Variants in ZNF701 observed in about 807,000 individuals in gnomAD.
The protein encoded by ZNF701 is zinc finger protein 701.
Under a neutral mutation model 7.1 loss-of-function variants are expected in ZNF701, and 6 were observed. The observed-to-expected ratio is 0.84, with a 90% CI of 0.46 to 1.66. The LOEUF is 1.66. Ranked by LOEUF, ZNF701 falls within the 40% of genes most tolerant of loss-of-function variation. The pLI, the probability that ZNF701 is intolerant of heterozygous loss-of-function variation, is 0.01. For missense variants in ZNF701, 541 were observed against 559.2 expected (o/e 0.97, Z 0.33); for synonymous variants, 166 against 188.2 (o/e 0.88, Z 0.97).
the ZNF701 span, among the ~76,000 whole-genome samples, chr19:52,593,354 G>A: frequency 8.6e-6 from 1 of 116,452 alleles, no homozygotes; most frequent in African/African-American, 3.3e-5. Context: ...CAGTAGGCGC[G>A]GCCGGGCAGA....
chr19:52,593,854 G>C, the ZNF701 span, among the ~76,000 whole-genome samples: 2 of 113,534 alleles, frequency 1.8e-5, 1 homozygote, highest in Non-Finnish European at 3.8e-5. Flanking sequence ...AGGCAGAGGG[G>C]CTCCTCACAT....
At chr19:52,592,772 T>TAGAGATGGG in the ZNF701 span, among the ~76,000 whole-genome samples, 5 of 127,776 alleles carry the variant, frequency 3.9e-5, no homozygotes, top group South Asian at 2.5e-4. Flanking sequence ...GTATTTTTTT[T>TAGAGATGGG]ATTTTTATTT....
At chr19:52,573,661 G>A (rs570409721) in intron 1 of ZNF701, among the ~76,000 whole-genome samples, 4 of 151,938 alleles carry the variant, frequency 2.6e-5, no homozygotes, top group South Asian at 2.1e-4. Context: ...ACACACAGAC[G>A]TGCACCACCA....
At chr19:52,592,513 T>G in the ZNF701 span, among the ~76,000 whole-genome samples, 66,310 of 151,868 alleles carry the variant, frequency 0.44, 14,469 homozygotes, top group Middle Eastern at 0.47. Context: ...TGAGCGGAAT[T>G]GTCACCATGG....
chr19:52,570,366 C>A, intron 1 of ZNF701, 36 bp downstream of exon 1: 1 of 152,828 alleles, frequency 6.5e-6, no homozygotes, highest in South Asian at 1.9e-4. Context: ...AGTCTGCACT[C>A]CCCATATCCC....
Position 52,577,040 on chromosome 19 carries a change from T to C in ZNF701, c.142+1019T>C, listed in dbSNP as rs115173841. Among the ~76,000 whole-genome samples the C allele has an allele frequency of 6.2e-3, 941 of 152,300 alleles. 7 individuals are homozygous for C. Among genetic ancestry groups the C allele is most frequent in the Middle Eastern group, 0.017 (5 of 294 alleles). The stretch of plus-strand genomic sequence containing the variant: ...TTCTGTTGGAAAAGGAAAGTTTCAA[T>C]CCTGAGATCTCTGAAATGACATCTT... On this transcript the variant is annotated intron_variant, in intron 3 of 3. Transcript: ENST00000391785.
At position 52,584,834 on chromosome 19, in the gene ZNF701, A is replaced by G. The variant is rs1473450298; in HGVS notation, c.*1377A>G. 2 of 152,164 alleles carry G rather than the reference A, an allele frequency of 1.3e-5. No individual in the cohort carries two copies. The highest frequency in any genetic ancestry group is 2.9e-5 in the Non-Finnish European group (2 of 68,060). 9.4% of individuals were successfully genotyped at this position (152,164 alleles called of 1,614,324 possible). A position where few individuals can be genotyped will look rare whatever the true frequency, so the allele number is the denominator to read the frequency against. ...ATTTTGGTTGACTCAGGCCCCGCCCACCTCTTCGCCTCCCGTCTGGCCTGA... is the reference window on the plus strand; with the variant it reads ...ATTTTGGTTGACTCAGGCCCCGCCCGCCTCTTCGCCTCCCGTCTGGCCTGA... On this transcript the variant is annotated 3_prime_UTR_variant, in exon 4 of 4. Coordinates refer to ENST00000391785, the MANE Select transcript of ZNF701 (RefSeq NM_018260.3).
downstream of ZNF701, among the ~76,000 whole-genome samples, chr19:52,587,964 C>A (rs1408046262): frequency 6.6e-6 from 1 of 152,108 alleles, no homozygotes; most frequent in African/African-American, 2.4e-5. Context: ...TGGTTAGGGC[C>A]AGATCTGTGT....
chr19:52,588,584 G>T, downstream of ZNF701: 2 of 398,740 alleles, frequency 5.0e-6, no homozygotes. Flanking sequence ...GAAGGGCAAA[G>T]AAAAGGAGCC....
chr19:52,587,969 C>A (rs1476692100), downstream of ZNF701, among the ~76,000 whole-genome samples: 1 of 152,160 alleles, frequency 6.6e-6, no homozygotes, highest in Non-Finnish European at 1.5e-5. Context: ...AGGGCCAGAT[C>A]TGTGTCCTGA....
rs1006330809 is a variant in ZNF701 at position 52,586,456 on chromosome 19, A to G, written c.*2999A>G. ...CTCTATCCAGGAGACGGGTTTCACC[A>G]TTTTGCCAGGTTTGTCTCAAACTCC... On this transcript the variant is annotated 3_prime_UTR_variant, in exon 4 of 4. Coordinates refer to ENST00000391785, the MANE Select transcript of ZNF701 (RefSeq NM_018260.3). The G allele has an allele frequency of 1.3e-5, 2 of 152,040 alleles. No individual in the cohort carries two copies. The highest frequency in any genetic ancestry group is 1.5e-5 in the Non-Finnish European group (1 of 68,044). The allele number at this position is 152,040 out of a possible 1,614,324, so 9.4% of individuals were successfully genotyped here.
chr19:52,578,851 G>A (rs980685152), intron 3 of ZNF701, among the ~76,000 whole-genome samples: 5 of 151,986 alleles, frequency 3.3e-5, no homozygotes, highest in Admixed American at 6.6e-5. Flanking sequence ...TCCACCTCCC[G>A]GGTTCACGCC....
chr19:52,595,661 G>A, the ZNF701 span: 13 of 1,283,994 alleles, frequency 1.0e-5, no homozygotes, highest in East Asian at 1.4e-4. Flanking sequence ...AACTGGGCAC[G>A]GTAATACAGG....
intron 3 of ZNF701, among the ~76,000 whole-genome samples, chr19:52,579,777 G>A (rs1444635765): frequency 7.2e-6 from 1 of 139,414 alleles, no homozygotes; most frequent in Non-Finnish European, 1.5e-5. Context: ...AGGAGGCTGA[G>A]GCACGAGAGT....
chr19:52,594,969 G>A, the ZNF701 span, among the ~76,000 whole-genome samples: 2 of 151,876 alleles, frequency 1.3e-5, no homozygotes, highest in African/African-American at 4.8e-5. Context: ...CTCATATATA[G>A]GAGGCTCTTG....
At chr19:52,591,174 G>GTA (rs1011569599), downstream of ZNF701, among the ~76,000 whole-genome samples, 9 of 151,770 alleles carry the variant, frequency 5.9e-5, no homozygotes, top group African/African-American at 1.2e-4. Flanking sequence ...ATTATTTTCA[G>GTA]TATATATATA....
At position 52,582,621 on chromosome 19, in the gene ZNF701, A is replaced by G; in HGVS notation, c.562A>G (p.Ile188Val). Reference sequence around the variant, plus strand: ...AATTTCCTGTAGGCCAAAAACTCGTATTTCTAATAAGTATAGGAATAATTT... The same window carrying G: ...AATTTCCTGTAGGCCAAAAACTCGTGTTTCTAATAAGTATAGGAATAATTT... The part of the protein sequence containing the change: ...QRISCRPKTR[I>V]SNKYRNNFLQ... The change falls in exon 4 of 4, where the codon ATT becomes GTT. Residue 188 changes from isoleucine (I) to valine (V), a missense_variant. By Grantham distance (29) the Ile-to-Val change is conservative. Coordinates refer to ENST00000391785, the MANE Select transcript of ZNF701 (RefSeq NM_018260.3). 6.2e-7 allele frequency: 1 copy of G among 1,614,184 alleles called. No individual in the cohort carries two copies. Among genetic ancestry groups the G allele is most frequent in the Non-Finnish European group, 8.5e-7 (1 of 1,180,028 alleles).
intron 2 of ZNF701, 36 bp downstream of exon 2, chr19:52,574,198 T>G: frequency 1.9e-6 from 3 of 1,602,742 alleles, no homozygotes; most frequent in Non-Finnish European, 2.6e-6. Context: ...TTCTGTCTCC[T>G]TCCTTTCAGA....
chr19:52,575,204 T>C (rs973228805), intron 2 of ZNF701, among the ~76,000 whole-genome samples: 4 of 152,012 alleles, frequency 2.6e-5, no homozygotes, highest in East Asian at 3.9e-4. Flanking sequence ...CTCCTGACCT[T>C]GTGATCCACC....
Sources: gnomAD v4.1 joint callset for allele counts (sites outside exome capture counted in the v4.1 genomes callset) on GRCh38, gnomAD v4.1.1 for gene constraint, MANE v1.5 for transcripts, NCBI Gene and HGNC (gene_info 2026-07-23, HGNC 2026-07-21) for gene names.